The following ST7 variants were observed in gnomAD, a reference collection of about 807,000 sequenced individuals.
ST7 encodes the protein suppression of tumorigenicity 7.
Under a neutral mutation model 78.7 loss-of-function variants are expected in ST7, and 28 were observed. That is an observed-to-expected ratio of 0.36 (90% CI 0.26 to 0.49). The LOEUF (loss-of-function observed/expected upper bound fraction) is 0.49. ST7 is among the 20% of genes least tolerant of loss of function. ST7 has a pLI of 0.99. For synonymous variants in ST7, 247 were observed against 249.6 expected, an observed-to-expected ratio of 0.99 and a Z score of 0.10; for missense variants, 418 against 696.0, an observed-to-expected ratio of 0.60 and a Z score of 4.49.
At chr7:117,048,878 A>G (rs1797623805) in intron 1 of ST7, among the ~76,000 whole-genome samples, 1 of 152,000 alleles carries the variant, frequency 6.6e-6, no homozygotes, top group Non-Finnish European at 1.5e-5. Context: ...ATGAGCCTTA[A>G]AAGTCTTTAT....
At chr7:117,225,720 T>C (rs553499269) in intron 15 of ST7, among the ~76,000 whole-genome samples, 173 of 152,308 alleles carry the variant, frequency 1.1e-3, no homozygotes, top group Non-Finnish European at 1.8e-3. Flanking sequence ...CAATGACCTT[T>C]AGTAGATGCA....
chr7:117,170,467 G>A (rs2117265988), intron 9 of ST7, among the ~76,000 whole-genome samples: 1 of 152,266 alleles, frequency 6.6e-6, no homozygotes, highest in Admixed American at 6.5e-5. Flanking sequence ...CAGATCATGA[G>A]GTCAGGAGAT....
intron 1 of ST7, among the ~76,000 whole-genome samples, chr7:117,004,975 G>A (rs867222865): frequency 2.4e-4 from 37 of 152,044 alleles, no homozygotes; most frequent in African/African-American, 6.0e-4. Flanking sequence ...TTATGTTTTC[G>A]TTTTGTTAGC....
intron 1 of ST7, among the ~76,000 whole-genome samples, chr7:117,066,500 G>A (rs1798637950): frequency 1.3e-5 from 2 of 152,082 alleles, no homozygotes; most frequent in Admixed American, 6.5e-5. Flanking sequence ...GGTGGCTAAC[G>A]CCTGTAATCC....
chr7:117,169,008 A>G (rs2117257055), intron 9 of ST7, among the ~76,000 whole-genome samples: 1 of 151,264 alleles, frequency 6.6e-6, no homozygotes, highest in Non-Finnish European at 1.5e-5. Flanking sequence ...AGAGGAGAAT[A>G]TATCTGTGAT....
At chr7:117,187,458 C>G (rs1176803005) in intron 10 of ST7, 1 of 152,134 alleles carries the variant, frequency 6.6e-6, no homozygotes, top group African/African-American at 2.4e-5. Flanking sequence ...CATAATGTTG[C>G]TGAATGCTGT....
At chr7:117,161,774 AT>A (rs1784168863) in intron 9 of ST7, among the ~76,000 whole-genome samples, 1 of 150,470 alleles carries the variant, frequency 6.6e-6, no homozygotes, top group African/African-American at 2.4e-5. Flanking sequence ...CAATTTTTGT[AT>A]TTTTAGTAGA....
At chr7:117,140,015 AG>A (rs1805140439) in intron 9 of ST7, among the ~76,000 whole-genome samples, 1 of 152,214 alleles carries the variant, frequency 6.6e-6, no homozygotes, top group Non-Finnish European at 1.5e-5. Flanking sequence ...AGCTTGGAAC[AG>A]GCATGCATTG....
chr7:116,972,995 T>A (rs1793511599), intron 1 of ST7: 1 of 738,832 alleles, frequency 1.4e-6, no homozygotes, highest in Non-Finnish European at 2.4e-6. Context: ...CCCATTTGTT[T>A]ATTCACTTAT....
chr7:117,165,743 G>A (rs1807504690), intron 9 of ST7, among the ~76,000 whole-genome samples: 1 of 152,132 alleles, frequency 6.6e-6, no homozygotes, highest in African/African-American at 2.4e-5. Context: ...ACCAGCAGAT[G>A]AAGGTAAGAG....
At chr7:117,020,309 C>G in intron 1 of ST7, 1 of 436,760 alleles carries the variant, frequency 2.3e-6, no homozygotes, top group Non-Finnish European at 4.1e-6. Context: ...CCAGCCTCAC[C>G]GCATCCCAGA....
At chr7:117,160,408 G>C (rs1382124233) in intron 9 of ST7, among the ~76,000 whole-genome samples, 1 of 151,862 alleles carries the variant, frequency 6.6e-6, no homozygotes, top group African/African-American at 2.4e-5. Flanking sequence ...CCGTCTTACT[G>C]ATGAGGAAAA....
intron 9 of ST7, among the ~76,000 whole-genome samples, chr7:117,152,455 C>T (rs1442396101): frequency 1.3e-5 from 2 of 151,990 alleles, no homozygotes; most frequent in East Asian, 1.9e-4. Context: ...GCTATAGCTT[C>T]CTCTGCTGTG....
At chr7:117,062,841 A>G (rs1469151920) in intron 1 of ST7, among the ~76,000 whole-genome samples, 2 of 152,222 alleles carry the variant, frequency 1.3e-5, no homozygotes, top group African/African-American at 2.4e-5. Flanking sequence ...CAGTTTGTCT[A>G]TTCTGTGCCA....
At chr7:116,990,668 CCTT>C (rs1209082992) in intron 1 of ST7, among the ~76,000 whole-genome samples, 2 of 152,090 alleles carry the variant, frequency 1.3e-5, no homozygotes, top group Non-Finnish European at 2.9e-5. Context: ...TTAAATGTCA[CCTT>C]CTAAGTTCAG....
At chr7:117,063,674 A>G (rs1242615415) in intron 1 of ST7, among the ~76,000 whole-genome samples, 1 of 152,124 alleles carries the variant, frequency 6.6e-6, no homozygotes, top group Non-Finnish European at 1.5e-5. Flanking sequence ...GTACCACTGT[A>G]CTCCAGCCTG....
At chr7:117,026,011 A>G (rs894396159) in intron 1 of ST7, among the ~76,000 whole-genome samples, 6 of 152,192 alleles carry the variant, frequency 3.9e-5, no homozygotes, top group African/African-American at 7.2e-5. Context: ...AAAAAATTAC[A>G]TGTGAGTCTT....
chr7:117,210,306 G>T (rs557200167), intron 13 of ST7, among the ~76,000 whole-genome samples: 1 of 152,292 alleles, frequency 6.6e-6, no homozygotes, highest in Non-Finnish European at 1.5e-5. Context: ...ACCACTTCTT[G>T]ATGGCCTTTG....
chr7:117,023,526 A>G (rs1796033617), intron 1 of ST7, among the ~76,000 whole-genome samples: 2 of 152,182 alleles, frequency 1.3e-5, no homozygotes, highest in East Asian at 3.8e-4. Context: ...GTGTAGACTA[A>G]TCATCACAAA....
Sources: gnomAD v4.1 joint callset for allele counts (sites outside exome capture counted in the v4.1 genomes callset) on GRCh38, gnomAD v4.1.1 for gene constraint, MANE v1.5 for transcripts, NCBI Gene and HGNC (gene_info 2026-07-23, HGNC 2026-07-21) for gene names.